Variants in FTO observed in about 807,000 individuals in gnomAD.
FTO encodes the protein alpha-ketoglutarate-dependent dioxygenase FTO.
FTO carries 47 observed loss-of-function variants against 63.9 expected under a neutral mutation model. That is an observed-to-expected ratio of 0.74 (90% CI 0.58 to 0.94). The LOEUF (loss-of-function observed/expected upper bound fraction) is 0.94, where lower values mean the gene tolerates loss of function less well. FTO is among the 40% of genes least tolerant of loss of function. The pLI is 0.00. For missense variants in FTO, 562 were observed against 618.1 expected, an observed-to-expected ratio of 0.91 and a Z score of 0.96; for synonymous variants, 207 against 224.4, an observed-to-expected ratio of 0.92 and a Z score of 0.69.
chr16:53,967,446 T>C (rs2083220511), intron 8 of FTO, among the ~76,000 whole-genome samples: 1 of 152,114 alleles, frequency 6.6e-6, no homozygotes, highest in South Asian at 2.1e-4. Context: ...TGGCCAAGGA[T>C]GGAGACAGAG....
At chr16:53,718,728 A>G (rs893565274) in intron 1 of FTO, among the ~76,000 whole-genome samples, 13 of 152,202 alleles carry the variant, frequency 8.5e-5, no homozygotes, top group African/African-American at 3.1e-4. Context: ...TTTAGATGGT[A>G]GTATCTTTAC....
chr16:54,044,988 T>G lies in FTO; in HGVS notation c.1365-66774T>G, dbSNP rs1368399460. ...GTAGAGGGAAATTTATAGCACCAAA[T>G]GCCTACAGGAGAAAGCAGGAAAGAT... On this transcript the variant is annotated intron_variant, in intron 8 of 8. Coordinates refer to ENST00000471389, the MANE Select transcript of FTO (RefSeq NM_001080432.3). Among the ~76,000 whole-genome samples the G allele has an allele frequency of 4.7e-5, 5 of 106,396 alleles. 2 individuals are homozygous for G. The highest frequency in any genetic ancestry group is 1.3e-4 in the African/African-American group (2 of 15,120). 69.8% of individuals were successfully genotyped at this position (106,396 alleles called of 152,430 possible). A position where few individuals can be genotyped will look rare whatever the true frequency, so the allele number is the denominator to read the frequency against.
At chr16:53,763,879 G>T (rs1322654843) in intron 1 of FTO, among the ~76,000 whole-genome samples, 1 of 152,162 alleles carries the variant, frequency 6.6e-6, no homozygotes, top group Non-Finnish European at 1.5e-5. Context: ...AACAGCAGGG[G>T]CAAGATTTTA....
At chr16:53,716,028 A>G (rs1435631583) in intron 1 of FTO, among the ~76,000 whole-genome samples, 1 of 152,234 alleles carries the variant, frequency 6.6e-6, no homozygotes, top group Non-Finnish European at 1.5e-5. Context: ...ATAATGCAGT[A>G]TAGTAAATAC....
intron 4 of FTO, among the ~76,000 whole-genome samples, chr16:53,855,705 A>G (rs1030304238): frequency 6.6e-6 from 1 of 152,192 alleles, no homozygotes; most frequent in Admixed American, 6.5e-5. Context: ...AGAATTTAGA[A>G]TCTTCCATGG....
chr16:53,760,621 C>CT (rs1169039527), intron 1 of FTO, among the ~76,000 whole-genome samples: 38,108 of 111,950 alleles, frequency 0.34, 8,258 homozygotes, highest in Non-Finnish European at 0.45. Context: ...TGCTTGCTTT[C>CT]TTTTTTTTTT....
chr16:53,717,150 A>G (rs1303245185), intron 1 of FTO, among the ~76,000 whole-genome samples: 1 of 151,974 alleles, frequency 6.6e-6, no homozygotes, highest in Non-Finnish European at 1.5e-5. Flanking sequence ...TCATAGGGTA[A>G]ATTAAAAGGA....
chr16:53,963,055 G>A (rs1478530965), intron 8 of FTO, among the ~76,000 whole-genome samples: 1 of 152,116 alleles, frequency 6.6e-6, no homozygotes, highest in Non-Finnish European at 1.5e-5. Flanking sequence ...ATTGCCAAAT[G>A]TACAAGTTTT....
In FTO at chr16:53,747,049, G is replaced by A. The variant is rs1428241057; in HGVS notation, c.45+42820G>A. On this transcript the variant is annotated intron_variant, in intron 1 of 8. Transcript: ENST00000471389. The stretch of plus-strand genomic sequence containing the variant: ...TGACAAAATTTCTTTCTTTTTAAAG[G>A]CTGAGTGGTATTTACGGGCTGTGTA... 1.1e-4 allele frequency among the ~76,000 whole-genome samples: 16 copies of A among 152,074 alleles called. 1 individual carries two copies. The highest frequency in any genetic ancestry group is 6.6e-4 in the Admixed American group (10 of 15,248).
chr16:54,056,673 T>G (rs544480960), intron 8 of FTO, among the ~76,000 whole-genome samples: 1 of 152,290 alleles, frequency 6.6e-6, no homozygotes, highest in African/African-American at 2.4e-5. Flanking sequence ...GTCGCTGATT[T>G]TGGAAGGCGA....
At chr16:54,048,941 A>G (rs111402835) in intron 8 of FTO, among the ~76,000 whole-genome samples, 16 of 152,226 alleles carry the variant, frequency 1.1e-4, no homozygotes, top group African/African-American at 3.1e-4. Context: ...ATGACAAACT[A>G]CACGGTTGAA....
At chr16:53,870,578 T>C (rs1301078310) in intron 4 of FTO, among the ~76,000 whole-genome samples, 1 of 152,206 alleles carries the variant, frequency 6.6e-6, no homozygotes, top group Non-Finnish European at 1.5e-5. Flanking sequence ...CCACTGCTCT[T>C]GGTTTTATAA....
chr16:54,086,898 G>C (rs1159510006), intron 8 of FTO, among the ~76,000 whole-genome samples: 2 of 152,214 alleles, frequency 1.3e-5, no homozygotes, highest in South Asian at 2.1e-4. Flanking sequence ...GACCCTCCAC[G>C]TCCCAAAGGA....
chr16:54,015,892 C>G (rs1359344068), intron 8 of FTO, among the ~76,000 whole-genome samples: 2 of 152,204 alleles, frequency 1.3e-5, no homozygotes, highest in African/African-American at 4.8e-5. Flanking sequence ...AGCCAAAGCC[C>G]TTGGCCATTT....
intron 7 of FTO, among the ~76,000 whole-genome samples, chr16:53,915,085 T>G (rs2081828822): frequency 6.6e-6 from 1 of 152,174 alleles, no homozygotes; most frequent in African/African-American, 2.4e-5. Flanking sequence ...AGCTTTTGCC[T>G]TGTGCACCCA....
intron 8 of FTO, among the ~76,000 whole-genome samples, chr16:54,049,388 C>A (rs55824030): frequency 6.6e-6 from 1 of 152,130 alleles, no homozygotes; most frequent in East Asian, 1.9e-4. Flanking sequence ...GTAGCACATG[C>A]TGGTGTTTAT....
chr16:54,027,122 C>T (rs1425187733), intron 8 of FTO, among the ~76,000 whole-genome samples: 2 of 152,070 alleles, frequency 1.3e-5, no homozygotes, highest in African/African-American at 4.8e-5. Flanking sequence ...AGGTTAATAC[C>T]AGCTAAAGAG....
chr16:53,965,018 C>T (rs17823199), intron 8 of FTO, among the ~76,000 whole-genome samples: 77,827 of 152,010 alleles, frequency 0.51, 20,373 homozygotes, highest in East Asian at 0.74. Flanking sequence ...ATGAGTCATT[C>T]ACCCTAACAA....
At chr16:53,797,338 T>C (rs2078103053) in intron 1 of FTO, among the ~76,000 whole-genome samples, 1 of 152,224 alleles carries the variant, frequency 6.6e-6, no homozygotes, top group Admixed American at 6.5e-5. Context: ...GACATGTACT[T>C]ACCACTGTGT....
Sources: allele counts gnomAD v4.1 joint callset (sites outside exome capture counted in the v4.1 genomes callset), GRCh38; gene constraint gnomAD v4.1.1; transcripts MANE v1.5; gene names NCBI Gene and HGNC (gene_info 2026-07-23, HGNC 2026-07-21).